SPATA25: variants seen among roughly 807,000 people sequenced by gnomAD.
SPATA25 encodes spermatogenesis associated 25.
SPATA25 carries 16 observed loss-of-function variants against 16.0 expected under a neutral mutation model. That is an observed-to-expected ratio of 1.00 (90% confidence interval 0.68 to 1.52). The LOEUF (loss-of-function observed/expected upper bound fraction) is 1.52. Ranked by LOEUF, SPATA25 falls within the 40% of genes most tolerant of loss-of-function variation. SPATA25 has a pLI of 0.00. For synonymous variants in SPATA25, 115 were observed against 118.5 expected, an observed-to-expected ratio of 0.97 and a Z score of 0.19; for missense variants, 285 against 289.2, an observed-to-expected ratio of 0.99 and a Z score of 0.11.
chr20:45,890,161 G>C (rs1986682517), upstream of SPATA25: 1 of 1,445,650 alleles, frequency 6.9e-7, no homozygotes, highest in Non-Finnish European at 9.7e-7. Context: ...GTGCCGGACA[G>C]ACGAAGGCCT....
upstream of SPATA25, chr20:45,888,651 G>T: frequency 5.9e-6 from 6 of 1,017,568 alleles, 1 homozygote; most frequent in South Asian, 3.0e-5. Flanking sequence ...GTCAGCATCG[G>T]CTGTTTATTT....
Position 45,886,738 on chromosome 20 carries a change from G to C in SPATA25, c.463C>G (p.Leu155Val). Residue 155 changes from leucine to valine, a missense_variant, in exon 2 of 2, where the codon CTC becomes GTC. Leu to Val is a conservative substitution (Grantham distance 32). Coordinates refer to ENST00000372519, the MANE Select transcript of SPATA25 (RefSeq NM_080608.4). ...EASSQPDICI[L>V]TLAMMIAGIP... ...CCAGCGATCATCATGGCGAGGGTGA[G>C]GATGCAGATATCAGGCTGGGAGCTG... is the stretch of plus-strand genomic sequence containing the variant. 1 of 1,614,114 alleles carries C rather than the reference G, an allele frequency of 6.2e-7. No homozygotes were observed. The highest frequency in any genetic ancestry group is 8.5e-7 in the Non-Finnish European group (1 of 1,180,044).
chr20:45,889,361 T>C (rs575770052), upstream of SPATA25, among the ~76,000 whole-genome samples: 25 of 152,042 alleles, frequency 1.6e-4, no homozygotes, highest in African/African-American at 5.3e-4. Context: ...TTCTTTCTTT[T>C]TTTTTTTTTA....
chr20:45,890,353 C>T (rs1351226385), upstream of SPATA25: 5 of 1,612,886 alleles, frequency 3.1e-6, no homozygotes, highest in Non-Finnish European at 4.2e-6. Context: ...CGCTCGGGCC[C>T]ATGTCCTCGC....
Position 45,887,149 on chromosome 20 carries a change from C to G in SPATA25, c.56-4G>C, listed in dbSNP as rs1986513829. On this transcript the variant is annotated splice_region_variant and splice_polypyrimidine_tract_variant and intron_variant, in intron 1 of 1. Coordinates refer to ENST00000372519, the MANE Select transcript of SPATA25 (RefSeq NM_080608.4). ...AAGCCTGGAGAAGCAGCCCCACCTG[C>G]AGAGACAGGAATGAAATGGAACGTT... The G allele has an allele frequency of 6.3e-7, 1 of 1,576,388 alleles. No homozygotes were observed. Among genetic ancestry groups the G allele is most frequent in the South Asian group, 1.1e-5 (1 of 90,058 alleles).
upstream of SPATA25, chr20:45,890,562 C>T (rs745453673): frequency 8.1e-6 from 13 of 1,611,588 alleles, no homozygotes; most frequent in Admixed American, 1.7e-4. Flanking sequence ...AGATATGGTT[C>T]CACGAGGAGG....
At chr20:45,890,329 T>A, upstream of SPATA25, 1 of 1,613,234 alleles carries the variant, frequency 6.2e-7, no homozygotes. Context: ...GCTGCGCAGC[T>A]GGCAGTCCCC....
chr20:45,890,888 C>T (rs770767572), upstream of SPATA25: 6 of 1,565,960 alleles, frequency 3.8e-6, no homozygotes, highest in South Asian at 5.8e-5. Flanking sequence ...GGGGTCCACG[C>T]GGATGTTGGC....
At position 45,886,916 on chromosome 20, in the gene SPATA25, A is replaced by G. The variant is rs762691348; in HGVS notation, c.285T>C (p.His95=). Reference sequence around the variant, plus strand: ...AGCCCAAGCTCTCCAGCTGCCTCACATGCGGGAATTTGTGGCAGTTTCGGC... The same window carrying G: ...AGCCCAAGCTCTCCAGCTGCCTCACGTGCGGGAATTTGTGGCAGTTTCGGC... ...EYSRNCHKFP[H]VRQLESLGWD... Residue 95 remains histidine, a synonymous_variant, in exon 2 of 2, where the codon CAT becomes CAC. Coordinates refer to ENST00000372519, the MANE Select transcript of SPATA25 (RefSeq NM_080608.4). 1 of 1,614,136 alleles carries G rather than the reference A, an allele frequency of 6.2e-7. No homozygotes were observed. Among genetic ancestry groups the G allele is most frequent in the Non-Finnish European group, 8.5e-7 (1 of 1,180,020 alleles).
In SPATA25 at chr20:45,886,689, C is replaced by A; in HGVS notation, c.512G>T (p.Gly171Val). 1 of 1,614,172 alleles carries A rather than the reference C, an allele frequency of 6.2e-7. No homozygotes were observed. Among genetic ancestry groups the A allele is most frequent in the Non-Finnish European group, 8.5e-7 (1 of 1,180,044 alleles). ...CCAGATCAGGTCCTCTTCCCGAACTCCTGGGACGGGCACGGTGGGGATGCC... is the reference window on the plus strand; with the variant it reads ...CCAGATCAGGTCCTCTTCCCGAACTACTGGGACGGGCACGGTGGGGATGCC... The part of the protein sequence containing the change: ...IAGIPTVPVP[G>V]VREEDLIWAA... Residue 171 changes from glycine (G) to valine (V), a missense_variant, in exon 2 of 2, where the codon GGA (glycine) becomes GTA (valine). Gly to Val is a moderately radical substitution (Grantham distance 109). Transcript: ENST00000372519.
upstream of SPATA25, chr20:45,890,797 G>A (rs1986759404): frequency 6.3e-7 from 1 of 1,599,230 alleles, no homozygotes; most frequent in African/African-American, 1.3e-5. Context: ...CGACCAGGAA[G>A]ACCTGGCCCG....
chr20:45,890,088 A>G, upstream of SPATA25: 1 of 717,978 alleles, frequency 1.4e-6, no homozygotes, highest in Non-Finnish European at 2.3e-6. Flanking sequence ...AACCATGTAG[A>G]GGCTTGTGCA....
At chr20:45,889,739 GA>G (rs1209609302), upstream of SPATA25, among the ~76,000 whole-genome samples, 1 of 151,756 alleles carries the variant, frequency 6.6e-6, no homozygotes, top group African/African-American at 2.4e-5. Flanking sequence ...TCAGCCTTCT[GA>G]ATAGCTGGGA....
At chr20:45,890,375 A>T (rs1332070278), upstream of SPATA25, 4 of 1,612,722 alleles carry the variant, frequency 2.5e-6, no homozygotes, top group African/African-American at 2.7e-5. Flanking sequence ...GTTGATGATG[A>T]TGTGCATGTC....
At position 45,886,811 on chromosome 20, in the gene SPATA25, C is replaced by G; in HGVS notation, c.390G>C (p.Leu130=). The change falls in exon 2 of 2, where the codon CTG becomes CTC. Residue 130 remains leucine, a synonymous_variant. Transcript: ENST00000372519. ...AGGGTACCGGTAGAACCCGTGGTGA[C>G]AGCCCACACAGCATCAGGGGCCTAG... ...SRPRPLMLCG[L]SPRVLPVPSE... The G allele has an allele frequency of 6.2e-7, 1 of 1,613,902 alleles. No homozygotes were observed. Among genetic ancestry groups the G allele is most frequent in the Non-Finnish European group, 8.5e-7 (1 of 1,180,046 alleles).
At chr20:45,887,366 C>T (rs547868024) in intron 1 of SPATA25, among the ~76,000 whole-genome samples, 170 bp downstream of exon 1, 3 of 152,260 alleles carry the variant, frequency 2.0e-5, no homozygotes, top group African/African-American at 4.8e-5. Flanking sequence ...AGTGAGCAAG[C>T]GGGTAGTTAT....
upstream of SPATA25, chr20:45,891,012 C>T: frequency 6.8e-7 from 1 of 1,464,246 alleles, no homozygotes; most frequent in African/African-American, 1.4e-5. This position sits in a 1 kb window ranked among gnomAD's most constrained non-coding sequence, Gnocchi z 4.6. Context: ...TAGGGCAGGC[C>T]AGCTGGCGCC....
Position 45,887,086 on chromosome 20 carries a change from C to CTT in SPATA25, c.114_115insAA (p.Val39LysfsTer10), listed in dbSNP as rs1250061841. 6.2e-7 allele frequency: 1 copy of CTT among 1,605,760 alleles called. No homozygotes were observed. The highest frequency in any genetic ancestry group is 1.1e-5 in the South Asian group (1 of 91,082). ...AGTGGGCCTGTTCCACCAGAGGCCA[C>CTT]CACCACTGGCTCTACAGGACTACAG... On this transcript the variant is annotated frameshift_variant, in exon 2 of 2. Transcript: ENST00000372519. LOFTEE classifies it high-confidence loss of function.
At chr20:45,890,223 G>A, upstream of SPATA25, 1 of 1,613,716 alleles carries the variant, frequency 6.2e-7, no homozygotes, top group South Asian at 1.1e-5. Flanking sequence ...ACTGAGCCAG[G>A]AGGGGTCGCT....
Sources: allele counts gnomAD v4.1 joint callset (sites outside exome capture counted in the v4.1 genomes callset), GRCh38; gene constraint gnomAD v4.1.1; non-coding constraint Gnocchi (gnomAD v3.1); transcripts MANE v1.5; gene names NCBI Gene and HGNC (gene_info 2026-07-23, HGNC 2026-07-21).